The following SH2D1B variants were observed in gnomAD, a reference collection of about 807,000 sequenced individuals.
The protein encoded by SH2D1B is SH2 domain containing 1B.
Under a neutral mutation model 16.3 loss-of-function variants are expected in SH2D1B, and 11 were observed. The observed-to-expected ratio is 0.67, with a 90% CI of 0.42 to 1.11. The LOEUF is 1.11. Among genes scored for constraint, SH2D1B ranks in the 50% most tolerant of loss-of-function variants. The pLI is 0.00. For synonymous variants in SH2D1B, 55 were observed against 56.1 expected (o/e 0.98, Z 0.09); for missense variants, 123 against 153.1 (o/e 0.80, Z 1.04).
chr1:162,409,731 C>A (rs164406), intron 1 of SH2D1B, among the ~76,000 whole-genome samples: 1 of 151,822 alleles, frequency 6.6e-6, no homozygotes, highest in Admixed American at 6.6e-5. Context: ...CTGCACCCAC[C>A]ATGCCTGGCT....
At position 162,411,883 on chromosome 1, in the gene SH2D1B, G is replaced by C. The variant is rs774783057; in HGVS notation, c.134C>G (p.Ser45Trp). ...SIPGVLCLCV[S>W]FKNIVYTYRI... ...ATGTGTGCAAGATGAGGCTACTCAC[G>C]AGACACAGAGGCACAGGACTCCTGG... The change falls in exon 1 of 4, where the codon TCG becomes TGG. Residue 45 changes from serine (S) to tryptophan (W), a missense_variant and splice_region_variant. Physicochemically the swap from Ser to Trp is radical, Grantham distance 177. Transcript: ENST00000367929. The C allele has an allele frequency of 5.6e-6, 9 of 1,614,106 alleles. No individual in the cohort carries two copies. Among genetic ancestry groups the C allele is most frequent in the Non-Finnish European group, 7.6e-6 (9 of 1,180,038 alleles).
intron 2 of SH2D1B, among the ~76,000 whole-genome samples, chr1:162,400,286 C>CTTTTTTTT (rs1241054289): frequency 2.4e-5 from 2 of 83,288 alleles, no homozygotes; most frequent in Non-Finnish European, 4.5e-5. Flanking sequence ...ACACCACGTA[C>CTTTTTTTT]TTTTTTTTTT....
intron 1 of SH2D1B, among the ~76,000 whole-genome samples, chr1:162,410,645 T>C (rs2101865304): frequency 6.9e-6 from 1 of 145,098 alleles, no homozygotes; most frequent in South Asian, 2.2e-4. Context: ...CTGGAATTTG[T>C]TTTTCTTTTT....
intron 1 of SH2D1B, among the ~76,000 whole-genome samples, chr1:162,409,642 G>C (rs111260027): frequency 0.059 from 8,919 of 152,154 alleles, 854 homozygotes; most frequent in African/African-American, 0.2. Context: ...ATAATGGCGC[G>C]ATCTCGGCTC....
intron 1 of SH2D1B, among the ~76,000 whole-genome samples, chr1:162,409,331 AT>A (rs1456431635): frequency 6.6e-6 from 1 of 151,988 alleles, no homozygotes. Flanking sequence ...AAGTTCCTAA[AT>A]TCACCAGTCT....
rs1205323817 is a variant in SH2D1B, at chr1:162,396,431, A to G, written c.*849T>C. The G allele has an allele frequency of 6.6e-6, 1 of 152,200 alleles. No homozygotes were observed. The highest frequency in any genetic ancestry group is 2.4e-5 in the African/African-American group (1 of 41,454). 9.4% of individuals were successfully genotyped at this position (152,200 alleles called of 1,614,324 possible). On this transcript the variant is annotated 3_prime_UTR_variant, in exon 4 of 4. Coordinates refer to ENST00000367929, the MANE Select transcript of SH2D1B (RefSeq NM_053282.5). ...CTCTGGGCAGCACAAATTTCTACAC[A>G]CTGTGGAAGATACAAGGGAGACCCA...
intron 3 of SH2D1B, among the ~76,000 whole-genome samples, chr1:162,397,693 G>A (rs187572889): frequency 2.8e-4 from 42 of 152,270 alleles, no homozygotes; most frequent in African/African-American, 7.7e-4. Context: ...GCACTGACCC[G>A]GCATGGAAAA....
intron 1 of SH2D1B, among the ~76,000 whole-genome samples, chr1:162,408,831 GGT>G (rs1648719729): frequency 6.6e-6 from 1 of 152,006 alleles, no homozygotes; most frequent in African/African-American, 2.4e-5. Context: ...ATATAGGCTG[GGT>G]GCAGTGGCTC....
chr1:162,411,800 G>C, intron 1 of SH2D1B, 83 bp downstream of exon 1: 1 of 1,565,412 alleles, frequency 6.4e-7, no homozygotes, highest in South Asian at 1.1e-5. Flanking sequence ...GAAATACTGA[G>C]GGATATGAAT....
Position 162,399,049 on chromosome 1 carries a change from T to G in SH2D1B, c.237A>C (p.Leu79=), listed in dbSNP as rs1415984297. ...EGSPKQVFPS[L]KELISKFEKP... ...TTTCAAATTTGGAGATCAGTTCCTT[T>G]AGGCTTGGAAAGACCTGTTTTGGAG... Residue 79 remains leucine, a synonymous_variant, in exon 3 of 4, where the codon CTA becomes CTC. Coordinates refer to ENST00000367929, the MANE Select transcript of SH2D1B (RefSeq NM_053282.5). 6.2e-7 allele frequency: 1 copy of G among 1,614,064 alleles called. No homozygotes were observed. Among genetic ancestry groups the G allele is most frequent in the East Asian group, 2.2e-5 (1 of 44,882 alleles).
chr1:162,402,893 T>G, intron 1 of SH2D1B, 91 bp from the exon 2 acceptor site: 1 of 1,008,744 alleles, frequency 9.9e-7, no homozygotes. Context: ...CCTTTGTTAA[T>G]CTACAATCCT....
chr1:162,407,688 T>TTCA (rs1648683141), intron 1 of SH2D1B, among the ~76,000 whole-genome samples: 1 of 152,172 alleles, frequency 6.6e-6, no homozygotes. Flanking sequence ...TTGCAAAGGG[T>TTCA]TGTATCTTGA....
Position 162,402,583 on chromosome 1 carries a change from G to A in SH2D1B, c.198+156C>T, listed in dbSNP as rs946864286. 168 of 597,666 alleles carry A rather than the reference G, an allele frequency of 2.8e-4. 1 individual carries two copies. The highest frequency in any genetic ancestry group is 6.2e-5 in the Non-Finnish European group (21 of 336,606). 37.0% of individuals were successfully genotyped at this position (597,666 alleles called of 1,614,324 possible). ...TAGAACCTTCCTATTTCTCTTCAGG[G>A]AAAAACCAGGTTAACTCGATCTGAC... On this transcript the variant is annotated intron_variant, in intron 2 of 3. Coordinates refer to ENST00000367929, the MANE Select transcript of SH2D1B (RefSeq NM_053282.5).
chr1:162,408,414 C>CTTTTTTTTTTTTTT (rs34627792), intron 1 of SH2D1B, among the ~76,000 whole-genome samples: 1 of 128,196 alleles, frequency 7.8e-6, no homozygotes, highest in Admixed American at 8.3e-5. Flanking sequence ...TTTTTCTCTT[C>CTTTTTTTTTTTTTT]TTTTTTTTTT....
Position 162,410,884 on chromosome 1 carries a change from G to A in SH2D1B, c.134+999C>T, listed in dbSNP as rs553495763. On this transcript the variant is annotated intron_variant, in intron 1 of 3. Transcript: ENST00000367929. The stretch of plus-strand genomic sequence containing the variant: ...TTGGTCAGGCTGGTCTCGAACTCCC[G>A]ACCTCAGGTGATTCACCTGCCTCCG... Among the ~76,000 whole-genome samples, 301 of 151,750 alleles carry A rather than the reference G, an allele frequency of 2.0e-3. 1 individual carries two copies. Among genetic ancestry groups the A allele is most frequent in the Middle Eastern group, 6.8e-3 (2 of 292 alleles).
rs116261381 is a variant in SH2D1B, at chr1:162,404,861, G to A, written c.135-2059C>T. 2.7e-3 allele frequency among the ~76,000 whole-genome samples: 413 copies of A among 152,302 alleles called. 1 individual carries two copies. Among genetic ancestry groups the A allele is most frequent in the African/African-American group, 9.1e-3 (380 of 41,564 alleles). ...TAATGCCCATGGGAATAGTGAGATC[G>A]CATGATCACTTTGGGAAACAGTTTG... On this transcript the variant is annotated intron_variant, in intron 1 of 3. Coordinates refer to ENST00000367929, the MANE Select transcript of SH2D1B (RefSeq NM_053282.5).
At chr1:162,407,781 T>G (rs351457) in intron 1 of SH2D1B, among the ~76,000 whole-genome samples, 1 of 152,068 alleles carries the variant, frequency 6.6e-6, no homozygotes, top group Non-Finnish European at 1.5e-5. Flanking sequence ...CTCCCTGTCA[T>G]ATGACTCTGT....
chr1:162,406,499 G>A (rs573033883), intron 1 of SH2D1B, among the ~76,000 whole-genome samples: 13 of 152,310 alleles, frequency 8.5e-5, no homozygotes, highest in East Asian at 1.9e-4. Flanking sequence ...TTATAGATGC[G>A]CAGAGAAGTC....
intron 2 of SH2D1B, 34 bp downstream of exon 2, chr1:162,402,705 G>A (rs777541763): frequency 4.5e-6 from 7 of 1,566,988 alleles, no homozygotes; most frequent in African/African-American, 1.4e-5. Flanking sequence ...CCCAACTTTT[G>A]TGTTGTTGTT....
Sources: gnomAD v4.1 joint callset for allele counts (sites outside exome capture counted in the v4.1 genomes callset) on GRCh38, gnomAD v4.1.1 for gene constraint, MANE v1.5 for transcripts, NCBI Gene and HGNC (gene_info 2026-07-23, HGNC 2026-07-21) for gene names.